TACC2: variants seen among roughly 807,000 people sequenced by gnomAD.
The protein encoded by TACC2 is transforming acidic coiled-coil-containing protein 2.
In TACC2, 137 loss-of-function variants were observed where a neutral mutation model predicts 227.3. The observed-to-expected ratio is 0.60, with a 90% confidence interval of 0.52 to 0.69. The LOEUF is 0.69. Ranked by LOEUF, TACC2 falls within the 30% of genes least tolerant of loss-of-function variation. TACC2 has a pLI of 0.00. For synonymous variants in TACC2, 1,523 were observed against 1,487.5 expected, an observed-to-expected ratio of 1.02 and a Z score of -0.55; for missense variants, 3,470 against 3,694.4, an observed-to-expected ratio of 0.94 and a Z score of 1.57.
At chr10:122,219,909 G>A (rs1346847369) in intron 11 of TACC2, among the ~76,000 whole-genome samples, 1 of 151,802 alleles carries the variant, frequency 6.6e-6, no homozygotes, top group East Asian at 1.9e-4. Flanking sequence ...ATGGTGGTGG[G>A]CACCTGTAAT....
rs955121621 is a variant in TACC2, at chr10:121,989,271, A to T, written c.-263A>T. Reference sequence around the variant, plus strand: ...ATTAAGGGTTGTACAGTGCACTGGGATTTCTCAAGTCACCCGCTTGGTCCT... The same window carrying T: ...ATTAAGGGTTGTACAGTGCACTGGGTTTTCTCAAGTCACCCGCTTGGTCCT... On this transcript the variant is annotated 5_prime_UTR_variant, in exon 1 of 23. Transcript: ENST00000369005. 2 of 152,224 alleles carry T rather than the reference A, an allele frequency of 1.3e-5. No individual in the cohort carries two copies. The highest frequency in any genetic ancestry group is 2.4e-5 in the African/African-American group (1 of 41,454). 9.4% of individuals were successfully genotyped at this position (152,224 alleles called of 1,614,324 possible). A position where few individuals can be genotyped will look rare whatever the true frequency, so the allele number is the denominator to read the frequency against.
chr10:122,191,270 G>A (rs1005666060), intron 7 of TACC2, among the ~76,000 whole-genome samples: 1 of 152,174 alleles, frequency 6.6e-6, no homozygotes, highest in African/African-American at 2.4e-5. Flanking sequence ...TGTGCACCAC[G>A]ATACCTGGCT....
rs1446442215 is a variant in TACC2, at chr10:122,150,858, C to T, written c.5834+7152C>T. ...TTTTTGATCCTGCCAGCCAGCCTCTCGGCAGATACATCCCGGTTGATTCTA... is the reference window on the plus strand; with the variant it reads ...TTTTTGATCCTGCCAGCCAGCCTCTTGGCAGATACATCCCGGTTGATTCTA... On this transcript the variant is annotated intron_variant, in intron 7 of 22. Coordinates refer to ENST00000369005, the MANE Select transcript of TACC2 (RefSeq NM_206862.4). The surrounding 1 kb of genome is among the most constrained non-coding windows in gnomAD (Gnocchi z 4.0). Among the ~76,000 whole-genome samples the T allele has an allele frequency of 6.6e-6, 1 of 152,158 alleles. No individual in the cohort carries two copies. Among genetic ancestry groups the T allele is most frequent in the Non-Finnish European group, 1.5e-5 (1 of 68,034 alleles).
chr10:122,246,406 C>T (rs185629299), intron 19 of TACC2: 29 of 152,270 alleles, frequency 1.9e-4, no homozygotes, highest in African/African-American at 7.0e-4. Flanking sequence ...TGGCAAGGTG[C>T]AGATATGTCC....
chr10:122,225,517 G>A (rs1259921519), intron 12 of TACC2, among the ~76,000 whole-genome samples: 1 of 152,206 alleles, frequency 6.6e-6, no homozygotes, highest in African/African-American at 2.4e-5. Flanking sequence ...AAGCACATGG[G>A]CTTTGTCATC....
At chr10:122,179,059 G>A (rs959257261) in intron 7 of TACC2, among the ~76,000 whole-genome samples, 8 of 152,188 alleles carry the variant, frequency 5.3e-5, no homozygotes, top group Non-Finnish European at 8.8e-5. Flanking sequence ...GTAACAAAAC[G>A]CTGAAGCATG....
intron 5 of TACC2, among the ~76,000 whole-genome samples, chr10:122,118,447 C>CA (rs1251688407): frequency 6.6e-6 from 1 of 152,212 alleles, no homozygotes; most frequent in African/African-American, 2.4e-5. Context: ...TGACGGCTAA[C>CA]AACCCCTGCG....
Position 122,062,025 on chromosome 10 carries a change from C to CTTT in TACC2, c.146+11498_146+11500dup, listed in dbSNP as rs140523380. ...TAAACTTTAGGACATGTCAGAGCGGCTTTTTTTTTTTTTTTTTTTTTTTTT... is the reference window on the plus strand; with the variant it reads ...TAAACTTTAGGACATGTCAGAGCGGCTTTTTTTTTTTTTTTTTTTTTTTTTTTT... On this transcript the variant is annotated intron_variant, in intron 3 of 22. Transcript: ENST00000369005. Among the ~76,000 whole-genome samples the CTTT allele has an allele frequency of 1.7e-3, 106 of 63,992 alleles. 1 individual carries two copies. Among genetic ancestry groups the CTTT allele is most frequent in the African/African-American group, 3.0e-3 (48 of 16,020 alleles). The allele number at this position is 63,992 out of a possible 152,430, so 42.0% of individuals were successfully genotyped here. A position where few individuals can be genotyped will look rare whatever the true frequency, so the allele number is the denominator to read the frequency against.
At position 122,129,060 on chromosome 10, in the gene TACC2, A is replaced by ATTATTATT. The variant is rs1555055945; in HGVS notation, c.5574-3549_5574-3548insTTATTATT. Among the ~76,000 whole-genome samples, 516 of 128,546 alleles carry ATTATTATT rather than the reference A, an allele frequency of 4.0e-3. 1 individual carries two copies. The highest frequency in any genetic ancestry group is 9.9e-3 in the African/African-American group (373 of 37,600). 84.3% of individuals were successfully genotyped at this position (128,546 alleles called of 152,430 possible). A position where few individuals can be genotyped will look rare whatever the true frequency, so the allele number is the denominator to read the frequency against. ...GATACATGAAGATCTATCTTATTTT[A>ATTATTATT]ATTATTATTATTATTATTATTATTA... On this transcript the variant is annotated intron_variant, in intron 5 of 22. Coordinates refer to ENST00000369005, the MANE Select transcript of TACC2 (RefSeq NM_206862.4).
At chr10:122,187,478 A>G (rs144653806) in intron 7 of TACC2, among the ~76,000 whole-genome samples, 2 of 151,774 alleles carry the variant, frequency 1.3e-5, no homozygotes, top group Admixed American at 6.6e-5. Flanking sequence ...CATTTCCCCA[A>G]ATTTCTTTTC....
chr10:122,240,208 G>A (rs1402126254), intron 18 of TACC2, among the ~76,000 whole-genome samples: 3 of 152,152 alleles, frequency 2.0e-5, no homozygotes, highest in South Asian at 2.1e-4. Context: ...AAAAGGACAC[G>A]TCCCTTACCT....
chr10:122,134,392 G>A (rs1013390827), intron 6 of TACC2, among the ~76,000 whole-genome samples: 1 of 151,964 alleles, frequency 6.6e-6, no homozygotes, highest in Admixed American at 6.6e-5. Flanking sequence ...TGGCCAGGCT[G>A]TTCTCAAACT....
chr10:122,000,473 A>G (rs1353640866), intron 1 of TACC2, among the ~76,000 whole-genome samples: 1 of 152,182 alleles, frequency 6.6e-6, no homozygotes, highest in African/African-American at 2.4e-5. Context: ...TGAAGAGATG[A>G]CCTGATTCCA....
intron 7 of TACC2, 118 bp downstream of exon 7, chr10:122,143,824 T>G: frequency 8.5e-7 from 1 of 1,177,692 alleles, no homozygotes; most frequent in South Asian, 1.5e-5. Flanking sequence ...GGTGACCATT[T>G]GGCCCCGTGA....
At position 122,195,081 on chromosome 10, in the gene TACC2, C is replaced by T. The variant is rs1447537978; in HGVS notation, c.5876C>T (p.Thr1959Met). Residue 1959 changes from threonine (T) to methionine (M), a missense_variant, in exon 8 of 23, where the codon ACG (threonine) becomes ATG (methionine). This residue lies in a region of TACC2 where 8 missense variants were observed against 24.6 expected (regional missense o/e 0.33). Transcript: ENST00000369005. ...SEEAFETPESTTPVKAPPAPP... is the reference protein window; with the variant it reads ...SEEAFETPESMTPVKAPPAPP... ...GAGGCATTTGAGACCCCGGAGTCAA[C>T]GACCCCTGTCAAAGCTCCGCCAGCT... 1 of 1,613,756 alleles carries T rather than the reference C, an allele frequency of 6.2e-7. No individual in the cohort carries two copies. The highest frequency in any genetic ancestry group is 1.1e-5 in the South Asian group (1 of 91,002).
At position 122,155,527 on chromosome 10, in the gene TACC2, G is replaced by A. The variant is rs1362725201; in HGVS notation, c.5834+11821G>A. Among the ~76,000 whole-genome samples the A allele has an allele frequency of 3.3e-5, 5 of 152,308 alleles. No individual in the cohort carries two copies. In the East Asian group the frequency reaches 9.6e-4, roughly 29 times the overall value. On this transcript the variant is annotated intron_variant, in intron 7 of 22. Coordinates refer to ENST00000369005, the MANE Select transcript of TACC2 (RefSeq NM_206862.4). ...AAGAAAGATGGATAACATTGGTTAT[G>A]TTTTTGATCCTAGACAGATACAGTC...
At chr10:122,220,977 A>G (rs1226542748) in intron 11 of TACC2, among the ~76,000 whole-genome samples, 1 of 152,184 alleles carries the variant, frequency 6.6e-6, no homozygotes, top group Non-Finnish European at 1.5e-5. Flanking sequence ...TGAGCATGGA[A>G]CAGGCTTGCT....
chr10:122,118,308 C>T (rs192123973), intron 5 of TACC2, among the ~76,000 whole-genome samples: 3 of 152,268 alleles, frequency 2.0e-5, no homozygotes, highest in East Asian at 3.9e-4. Flanking sequence ...AGCCACCGCG[C>T]CCAGCCTGGA....
chr10:122,216,743 C>T lies in TACC2; in HGVS notation c.7461C>T (p.Asp2487=), dbSNP rs1453396717. The T allele has an allele frequency of 6.2e-7, 1 of 1,613,946 alleles. No individual in the cohort carries two copies. The highest frequency in any genetic ancestry group is 2.2e-5 in the East Asian group (1 of 44,868). Residue 2487 remains aspartate (D), a synonymous_variant, in exon 11 of 23, where the codon GAC becomes GAT. Transcript: ENST00000369005. The part of the protein sequence containing the change: ...TNQKWTCMTV[D]LEADKQDYPQ... ...AGAAGTGGACGTGCATGACAGTGGA[C>T]CTAGAGGCTGACAAACAGGACTACC...
Sources: allele counts gnomAD v4.1 joint callset (sites outside exome capture counted in the v4.1 genomes callset), GRCh38; gene constraint gnomAD v4.1.1; regional missense constraint gnomAD v4.1.1; non-coding constraint Gnocchi (gnomAD v3.1); transcripts MANE v1.5; gene names NCBI Gene and HGNC (gene_info 2026-07-23, HGNC 2026-07-21).